SYNE2: variants seen among roughly 807,000 people sequenced by gnomAD.
SYNE2 encodes nesprin-2.
SYNE2 carries 431 observed loss-of-function variants against 856.3 expected under a neutral mutation model. The observed-to-expected ratio is 0.50, with a 90% confidence interval of 0.47 to 0.55. The LOEUF (loss-of-function observed/expected upper bound fraction) is 0.55, where lower values mean the gene tolerates loss of function less well. Ranked by LOEUF, SYNE2 falls within the 20% of genes least tolerant of loss-of-function variation. The probability of loss-of-function intolerance (pLI) is 0.00; values close to 1 mark genes in which losing one functional copy is unlikely to be tolerated. For missense variants in SYNE2, 8,129 were observed against 8,023.2 expected (o/e 1.01, Z -0.50); for synonymous variants, 2,923 against 2,872.3 (o/e 1.02, Z -0.56).
intron 2 of SYNE2, among the ~76,000 whole-genome samples, chr14:63,938,072 G>A (rs756337712): frequency 3.3e-5 from 5 of 152,214 alleles, no homozygotes; most frequent in Middle Eastern, 3.4e-3. Context: ...GGTGATTGAC[G>A]CAGGGCAGAA....
At chr14:64,224,216 G>A (rs998736497) in intron 113 of SYNE2, among the ~76,000 whole-genome samples, 9 of 135,624 alleles carry the variant, frequency 6.6e-5, no homozygotes, top group African/African-American at 2.6e-4. Flanking sequence ...AAAACCAGGT[G>A]TGGTGGTGCA....
At chr14:63,990,348 TGATTA>T in intron 19 of SYNE2, 58 bp from the exon 20 acceptor site, 1 of 1,529,612 alleles carries the variant, frequency 6.5e-7, no homozygotes, top group East Asian at 2.3e-5. Context: ...GAGATTGTTT[TGATTA>T]ATGTTTAGCA....
intron 1 of SYNE2, among the ~76,000 whole-genome samples, chr14:63,811,139 G>C (rs1888601048): frequency 1.3e-5 from 2 of 151,886 alleles, no homozygotes; most frequent in Non-Finnish European, 1.5e-5. Flanking sequence ...CTGGCCTATA[G>C]TGAATATTCT....
In SYNE2 at chr14:64,220,628, G is replaced by A; in HGVS notation, c.20052G>A (p.Met6684Ile). 8 of 1,613,884 alleles carry A rather than the reference G, an allele frequency of 5.0e-6. No homozygotes were observed. Among genetic ancestry groups the A allele is most frequent in the Non-Finnish European group, 6.8e-6 (8 of 1,180,020 alleles). The stretch of plus-strand genomic sequence containing the variant: ...GAGGGGGCTTACGACAGTCGCTCAT[G>A]CAGTGCCAGGTACGCTGACTCAGCA... ...SWRGGLRQSL[M>I]QCQDFHQLSQ... The change falls in exon 111 of 116, where the codon ATG becomes ATA. Residue 6684 changes from methionine (M) to isoleucine (I), a missense_variant. Transcript: ENST00000555002.
chr14:64,188,508 T>C (rs754010862), intron 97 of SYNE2, 42 bp from the exon 98 acceptor site: 1 of 1,613,668 alleles, frequency 6.2e-7, no homozygotes, highest in African/African-American at 1.3e-5. Context: ...GGTGCTTTCC[T>C]TCCTGGCTAT....
At chr14:64,144,837 G>A (rs2153695593) in intron 83 of SYNE2, among the ~76,000 whole-genome samples, 1 of 151,604 alleles carries the variant, frequency 6.6e-6, no homozygotes, top group East Asian at 1.9e-4. Flanking sequence ...GTTTACAGCT[G>A]TGAAAATGTA....
rs145016520 is a variant in SYNE2, at chr14:64,171,107, A to T, written c.17235+645A>T. ...TTAAAAACTGATTTAAAAAAAATAA[A>T]AATAAAGGGGCAAATTCATTCAGCC... On this transcript the variant is annotated intron_variant, in intron 94 of 115. Coordinates refer to ENST00000555002, the MANE Select transcript of SYNE2 (RefSeq NM_182914.3). 8.1e-3 allele frequency among the ~76,000 whole-genome samples: 1,236 copies of T among 152,318 alleles called. 14 individuals carry two copies. The highest frequency in any genetic ancestry group is 0.028 in the African/African-American group (1,144 of 41,564).
At position 64,167,311 on chromosome 14, in the gene SYNE2, G is replaced by A. The variant is rs1308753495; in HGVS notation, c.16684G>A (p.Asp5562Asn). ...NEVSLKLPLS[D>N]VAVKTLQNMN... ...AGTGAGCCTCAAGCTCCCACTTAGT[G>A]ACGTAGCTGTGAAGACGTTACAAAA... Residue 5562 changes from aspartate to asparagine, a missense_variant, in exon 91 of 116, where the codon GAC (aspartate) becomes AAC (asparagine). Physicochemically the swap from Asp to Asn is conservative, Grantham distance 23. Coordinates refer to ENST00000555002, the MANE Select transcript of SYNE2 (RefSeq NM_182914.3). The A allele has an allele frequency of 3.1e-6, 5 of 1,614,102 alleles. No individual in the cohort carries two copies. The highest frequency in any genetic ancestry group is 1.7e-5 in the Admixed American group (1 of 60,010).
At chr14:64,111,061 G>A (rs1354909479) in intron 65 of SYNE2, among the ~76,000 whole-genome samples, 1 of 151,924 alleles carries the variant, frequency 6.6e-6, no homozygotes, top group Non-Finnish European at 1.5e-5. Flanking sequence ...ACTCAATACT[G>A]TCATTAAAAA....
At chr14:64,215,978 A>T in intron 107 of SYNE2, 1 of 1,389,172 alleles carries the variant, frequency 7.2e-7, no homozygotes, top group Non-Finnish European at 9.4e-7. Flanking sequence ...CAGTGTCCCT[A>T]CCACTCGAGA....
chr14:64,121,544 C>CA (rs1375138577), intron 68 of SYNE2, among the ~76,000 whole-genome samples: 4 of 151,660 alleles, frequency 2.6e-5, no homozygotes, highest in African/African-American at 9.7e-5. Flanking sequence ...AACAAACAAA[C>CA]AAAAAAAAGC....
chr14:64,213,318 C>T (rs1253046411), intron 105 of SYNE2, among the ~76,000 whole-genome samples: 1 of 152,178 alleles, frequency 6.6e-6, no homozygotes, highest in Non-Finnish European at 1.5e-5. Flanking sequence ...TTGAAGAACT[C>T]TTCTGGCTTT....
Position 63,940,604 on chromosome 14 carries a change from TC to T in SYNE2, c.80-9del. 6.2e-7 allele frequency: 1 copy of T among 1,614,068 alleles called. No individual in the cohort carries two copies. ...TGGTTTTATAACTGCTGTTGTTCTT[TC>T]TTTGATAGCTGAACAGGAAGACACC... On this transcript the variant is annotated splice_polypyrimidine_tract_variant and intron_variant, in intron 2 of 115. Transcript: ENST00000555002.
rs1261983797 is a variant in SYNE2 at position 64,158,715 on chromosome 14, C to T, written c.15883C>T (p.Arg5295Ter). ...LYDEVNMMTI[R>*]FWYCMEHSKP... ...TGATGAAGTGAATATGATGACAATCCGATTCTGGTACTGCATGGAACACAG... is the reference window on the plus strand; with the variant it reads ...TGATGAAGTGAATATGATGACAATCTGATTCTGGTACTGCATGGAACACAG... Residue 5295 changes from arginine to a stop codon, truncating the protein, a stop_gained, in exon 86 of 116, where the codon CGA (arginine) becomes TGA (stop). Coordinates refer to ENST00000555002, the MANE Select transcript of SYNE2 (RefSeq NM_182914.3). LOFTEE classifies it high-confidence loss of function. 4 of 1,613,846 alleles carry T rather than the reference C, an allele frequency of 2.5e-6. No individual in the cohort carries two copies. The highest frequency in any genetic ancestry group is 3.4e-6 in the Non-Finnish European group (4 of 1,179,886).
At chr14:63,869,787 C>G (rs1896423190) in intron 1 of SYNE2, among the ~76,000 whole-genome samples, 1 of 152,066 alleles carries the variant, frequency 6.6e-6, no homozygotes, top group African/African-American at 2.4e-5. Flanking sequence ...TCGCACTAAT[C>G]TTTGAGTTCA....
chr14:63,944,305 T>TATAA, intron 6 of SYNE2, among the ~76,000 whole-genome samples: 1 of 129,716 alleles, frequency 7.7e-6, no homozygotes, highest in African/African-American at 2.9e-5. Flanking sequence ...TATATATATA[T>TATAA]ATAAATAAAT....
intron 19 of SYNE2, among the ~76,000 whole-genome samples, chr14:63,987,248 CCTT>C (rs1566978671): frequency 1.3e-5 from 2 of 151,756 alleles, no homozygotes; most frequent in African/African-American, 4.8e-5. Flanking sequence ...GGGTGAGACT[CCTT>C]CTGGGAAAAA....
chr14:64,208,034 A>G (rs568841105), intron 100 of SYNE2: 1 of 455,896 alleles, frequency 2.2e-6, no homozygotes, highest in Non-Finnish European at 4.4e-6. Flanking sequence ...GAGGTTTTCC[A>G]GTTTTTTCCT....
intron 1 of SYNE2, among the ~76,000 whole-genome samples, chr14:63,804,949 C>T (rs1479055168): frequency 6.6e-6 from 1 of 152,146 alleles, no homozygotes; most frequent in Non-Finnish European, 1.5e-5. Flanking sequence ...CAGGTTCAAT[C>T]TTCTGTATAA....
Sources: allele counts gnomAD v4.1 joint callset (sites outside exome capture counted in the v4.1 genomes callset), GRCh38; gene constraint gnomAD v4.1.1; transcripts MANE v1.5; gene names NCBI Gene and HGNC (gene_info 2026-07-23, HGNC 2026-07-21).